The following SEMA3C variants were observed in gnomAD, a reference collection of about 807,000 sequenced individuals.
SEMA3C encodes the protein semaphorin 3C.
SEMA3C carries 47 observed loss-of-function variants against 89.4 expected under a neutral mutation model. That is an observed-to-expected ratio of 0.53 (90% CI 0.42 to 0.67). The LOEUF (loss-of-function observed/expected upper bound fraction) is 0.67, where lower values mean the gene tolerates loss of function less well. SEMA3C is among the 30% of genes least tolerant of loss of function. SEMA3C has a pLI of 0.00. For missense variants in SEMA3C, 839 were observed against 929.1 expected (o/e 0.90, Z 1.26); for synonymous variants, 310 against 320.2 (o/e 0.97, Z 0.34).
chr7:80,897,211 CTGAGT>C lies in SEMA3C; in HGVS notation c.103+19463_103+19467del, dbSNP rs1321248767. On this transcript the variant is annotated intron_variant, in intron 2 of 17. Transcript: ENST00000265361. ...AGACAAAACTATTCATTTTTGCTGT[CTGAGT>C]TATGAGGCAGCATGTGGAAACATTG... is the stretch of plus-strand genomic sequence containing the variant. Among the ~76,000 whole-genome samples, 4 of 152,130 alleles carry C rather than the reference CTGAGT, an allele frequency of 2.6e-5. No individual in the cohort carries two copies. In the East Asian group the frequency reaches 7.7e-4, roughly 29 times the overall value.
chr7:80,748,244 T>C (rs1302293703), intron 17 of SEMA3C, among the ~76,000 whole-genome samples: 3 of 152,142 alleles, frequency 2.0e-5, no homozygotes, highest in Non-Finnish European at 2.9e-5. Flanking sequence ...TTACAAGGTA[T>C]CACCCTATGT....
intron 12 of SEMA3C, among the ~76,000 whole-genome samples, chr7:80,785,784 T>G (rs1322297132): frequency 6.6e-6 from 1 of 152,132 alleles, no homozygotes; most frequent in Non-Finnish European, 1.5e-5. Flanking sequence ...AATTTTGTAT[T>G]TTTAGTAGAG....
intron 15 of SEMA3C, among the ~76,000 whole-genome samples, chr7:80,756,788 C>G (rs1788075465): frequency 6.7e-6 from 1 of 149,622 alleles, no homozygotes; most frequent in Non-Finnish European, 1.5e-5. Context: ...TCCTTGCTCA[C>G]ACAGTATGTC....
intron 2 of SEMA3C, 97 bp downstream of exon 2, chr7:80,916,582 T>G (rs903102301): frequency 9.5e-7 from 1 of 1,048,674 alleles, no homozygotes; most frequent in Non-Finnish European, 1.3e-6. Flanking sequence ...AAAATTAATA[T>G]CCAGTAATAT....
chr7:80,780,700 G>A (rs923484804), intron 12 of SEMA3C, among the ~76,000 whole-genome samples: 9 of 152,038 alleles, frequency 5.9e-5, no homozygotes, highest in South Asian at 2.1e-4. Context: ...CCTGGGCAAC[G>A]TGCAGAAACC....
chr7:80,906,330 G>T (rs2116220424), intron 2 of SEMA3C, among the ~76,000 whole-genome samples: 1 of 152,300 alleles, frequency 6.6e-6, no homozygotes, highest in African/African-American at 2.4e-5. Flanking sequence ...GGAAACCGAA[G>T]ATGGTTATTG....
intron 2 of SEMA3C, among the ~76,000 whole-genome samples, chr7:80,895,427 G>A (rs1446482247): frequency 6.6e-6 from 1 of 152,140 alleles, no homozygotes; most frequent in African/African-American, 2.4e-5. Context: ...TAAACTGACA[G>A]TGCAAGGCAA....
intron 2 of SEMA3C, among the ~76,000 whole-genome samples, chr7:80,871,316 G>C (rs1791052738): frequency 6.6e-6 from 1 of 152,138 alleles, no homozygotes; most frequent in Non-Finnish European, 1.5e-5. Context: ...TTTTAATCCT[G>C]TTACTTCCTT....
chr7:80,895,003 TA>T (rs1178330352), intron 2 of SEMA3C, among the ~76,000 whole-genome samples: 2 of 152,146 alleles, frequency 1.3e-5, no homozygotes, highest in South Asian at 2.1e-4. Context: ...CTGTGAGAAA[TA>T]ACACTGTAAA....
chr7:80,806,175 C>T (rs1411028849), intron 6 of SEMA3C, among the ~76,000 whole-genome samples: 2 of 152,034 alleles, frequency 1.3e-5, no homozygotes, highest in Non-Finnish European at 1.5e-5. Flanking sequence ...TGGTTTCTAA[C>T]TTTGGTAATC....
intron 2 of SEMA3C, among the ~76,000 whole-genome samples, chr7:80,847,807 C>G (rs1248612500): frequency 6.6e-6 from 1 of 152,144 alleles, no homozygotes; most frequent in Non-Finnish European, 1.5e-5. Context: ...AGAGGGGGCA[C>G]AACAACAACC....
At chr7:80,792,753 T>A (rs2115605720) in intron 11 of SEMA3C, among the ~76,000 whole-genome samples, 1 of 152,322 alleles carries the variant, frequency 6.6e-6, no homozygotes, top group African/African-American at 2.4e-5. Flanking sequence ...ATGTTCAAAC[T>A]TACCAAACAA....
At chr7:80,897,794 T>G (rs1326633898) in intron 2 of SEMA3C, among the ~76,000 whole-genome samples, 1 of 152,218 alleles carries the variant, frequency 6.6e-6, no homozygotes, top group African/African-American at 2.4e-5. Context: ...GTCATAAATT[T>G]TATTGTTTAC....
chr7:80,868,678 T>C (rs1220684787), intron 2 of SEMA3C, among the ~76,000 whole-genome samples: 1 of 152,170 alleles, frequency 6.6e-6, no homozygotes, highest in Non-Finnish European at 1.5e-5. Flanking sequence ...AAAATATTCA[T>C]GAAATTCATA....
chr7:80,763,049 T>C (rs1302817852), intron 13 of SEMA3C, among the ~76,000 whole-genome samples: 1 of 152,166 alleles, frequency 6.6e-6, no homozygotes, highest in Non-Finnish European at 1.5e-5. Context: ...CACACACACA[T>C]ACAAATGCTG....
intron 17 of SEMA3C, among the ~76,000 whole-genome samples, 166 bp from the exon 18 acceptor site, chr7:80,745,473 C>CT (rs113677262): frequency 0.9 from 131,895 of 147,174 alleles, 60,067 homozygotes; most frequent in Non-Finnish European, 0.99. Flanking sequence ...GTTCCATTGC[C>CT]TTTTTTTTTT....
At chr7:80,798,021 A>G in intron 11 of SEMA3C, 71 bp downstream of exon 11, 1 of 1,468,506 alleles carries the variant, frequency 6.8e-7, no homozygotes. Context: ...AAAAAACCCC[A>G]CAGATATTCA....
rs1449995090 is a variant in SEMA3C, at chr7:80,754,957, G to GTTTTTTTTTTGTTTTTTTTTTTTTTTTT, written c.1643+3373_1643+3374insAAAAAAAAAAAAAAAAACAAAAAAAAAA. Among the ~76,000 whole-genome samples, 71 of 108,356 alleles carry GTTTTTTTTTTGTTTTTTTTTTTTTTTTT rather than the reference G, an allele frequency of 6.6e-4. 1 individual carries two copies. The highest frequency in any genetic ancestry group is 8.7e-4 in the Non-Finnish European group (47 of 53,964). 71.1% of individuals were successfully genotyped at this position (108,356 alleles called of 152,430 possible). A position where few individuals can be genotyped will look rare whatever the true frequency, so the allele number is the denominator to read the frequency against. On this transcript the variant is annotated intron_variant, in intron 15 of 17. Transcript: ENST00000265361. ...CATGCCTGGCGAATTGTTTTTTTTT[G>GTTTTTTTTTTGTTTTTTTTTTTTTTTTT]TTTTTTTTTTTTTTGTATTTTTAGT...
chr7:80,750,088 T>C (rs1787889957), intron 16 of SEMA3C, among the ~76,000 whole-genome samples: 1 of 152,030 alleles, frequency 6.6e-6, no homozygotes, highest in Admixed American at 6.6e-5. Context: ...CATTTTTTAC[T>C]AAAGGAAAGC....
Sources: gnomAD v4.1 joint callset for allele counts (sites outside exome capture counted in the v4.1 genomes callset) on GRCh38, gnomAD v4.1.1 for gene constraint, MANE v1.5 for transcripts, NCBI Gene and HGNC (gene_info 2026-07-23, HGNC 2026-07-21) for gene names.